Variants in GOLGA3 observed in about 807,000 individuals in gnomAD.
GOLGA3 encodes the protein golgin subfamily A member 3.
GOLGA3 carries 75 observed loss-of-function variants against 169.4 expected under a neutral mutation model. That is an observed-to-expected ratio of 0.44 (90% CI 0.37 to 0.54). GOLGA3 has a LOEUF of 0.54. GOLGA3 is among the 20% of genes least tolerant of loss of function. The pLI, the probability that GOLGA3 is intolerant of heterozygous loss-of-function variation, is 0.00. For missense variants in GOLGA3, 1,899 were observed against 1,930.0 expected (o/e 0.98, Z 0.30); for synonymous variants, 824 against 822.4 (o/e 1.00, Z -0.03).
At chr12:132,787,485 C>T (rs1446790437) in intron 13 of GOLGA3, among the ~76,000 whole-genome samples, 2 of 148,956 alleles carry the variant, frequency 1.3e-5, no homozygotes, top group East Asian at 4.1e-4. Context: ...CCCCAAGAGC[C>T]CCCGGGAACC....
intron 8 of GOLGA3, among the ~76,000 whole-genome samples, chr12:132,799,094 C>T (rs986910135): frequency 2.0e-5 from 3 of 152,212 alleles, no homozygotes; most frequent in Non-Finnish European, 4.4e-5. Flanking sequence ...CCCGCATCGC[C>T]TCTAGCTCCA....
In GOLGA3 at chr12:132,791,279, C is replaced by CT; in HGVS notation, c.2483dup (p.Gln829AlafsTer40). 6.2e-7 allele frequency: 1 copy of CT among 1,602,694 alleles called. No individual in the cohort carries two copies. Among genetic ancestry groups the CT allele is most frequent in the Non-Finnish European group, 8.5e-7 (1 of 1,171,428 alleles). Reference sequence around the variant, plus strand: ...GCTTTTTCAGAGCAGCAGTCTCCTGCTGCAGGTGTTCCACCTGTGGGAGAC... The same window carrying CT: ...GCTTTTTCAGAGCAGCAGTCTCCTGCTTGCAGGTGTTCCACCTGTGGGAGAC... On this transcript the variant is annotated frameshift_variant, in exon 12 of 24. Coordinates refer to ENST00000450791, the MANE Select transcript of GOLGA3 (RefSeq NM_001389683.1). LOFTEE classifies it high-confidence loss of function.
chr12:132,781,097 G>A (rs566190438), intron 17 of GOLGA3, among the ~76,000 whole-genome samples, 183 bp from the exon 18 acceptor site: 13 of 152,308 alleles, frequency 8.5e-5, no homozygotes, highest in African/African-American at 3.1e-4. Context: ...ATGATCACAG[G>A]GCCGCACTCA....
intron 2 of GOLGA3, among the ~76,000 whole-genome samples, chr12:132,819,591 G>A (rs1250599357): frequency 6.6e-6 from 1 of 152,220 alleles, no homozygotes; most frequent in Non-Finnish European, 1.5e-5. Context: ...GATACTTACT[G>A]TCATGCCTCC....
At chr12:132,789,758 G>A (rs527509230) in intron 12 of GOLGA3, among the ~76,000 whole-genome samples, 2 of 152,330 alleles carry the variant, frequency 1.3e-5, no homozygotes, top group African/African-American at 2.4e-5. Flanking sequence ...AGCAGGCCGG[G>A]CGCGGTGGCT....
rs1158708708 is a variant in GOLGA3 at position 132,786,778 on chromosome 12, A to T, written c.2821T>A (p.Phe941Ile). The change falls in exon 14 of 24, where the codon TTC (phenylalanine) becomes ATC (isoleucine). Residue 941 changes from phenylalanine (F) to isoleucine (I), a missense_variant. By Grantham distance (21) the Phe-to-Ile change is conservative. Transcript: ENST00000450791. The part of the protein sequence containing the change: ...EMETHLQSLQ[F>I]DKEQMVAVTE... ...ACCGCGACCATCTGCTCCTTATCGA[A>T]CTGCAACGACTGTGGAAGGGAAGGA... is the stretch of plus-strand genomic sequence containing the variant. 1 of 1,609,908 alleles carries T rather than the reference A, an allele frequency of 6.2e-7. No individual in the cohort carries two copies. Among genetic ancestry groups the T allele is most frequent in the East Asian group, 2.2e-5 (1 of 44,830 alleles).
At position 132,772,740 on chromosome 12, in the gene GOLGA3, G is replaced by A. The variant is rs965013423; in HGVS notation, c.*365C>T. On this transcript the variant is annotated 3_prime_UTR_variant, in exon 24 of 24. Coordinates refer to ENST00000450791, the MANE Select transcript of GOLGA3 (RefSeq NM_001389683.1). Reference sequence around the variant, plus strand: ...AACTGCAGCCGGCCTGGCCAGGCGCGGTGCCGCAGACCCTGTCACACAGCT... The same window carrying A: ...AACTGCAGCCGGCCTGGCCAGGCGCAGTGCCGCAGACCCTGTCACACAGCT... 4.9e-5 allele frequency: 9 copies of A among 184,868 alleles called. No individual in the cohort carries two copies. The highest frequency in any genetic ancestry group is 2.4e-4 in the Admixed American group (4 of 16,828). The allele number at this position is 184,868 out of a possible 1,614,324, so 11.5% of individuals were successfully genotyped here.
At chr12:132,798,607 T>G in intron 8 of GOLGA3, 130 bp from the exon 9 acceptor site, 2 of 456,376 alleles carry the variant, frequency 4.4e-6, no homozygotes, top group Non-Finnish European at 7.4e-6. Flanking sequence ...CAAGCCCCAC[T>G]ACCCACTACA....
chr12:132,826,066 C>G lies in GOLGA3; in HGVS notation c.-184+2737G>C. Reference sequence around the variant, plus strand: ...TCCCCTGCTTCAGGGACGTCCAGATCGGTGACATCGTCACAGTGGGCGAGT... The same window carrying G: ...TCCCCTGCTTCAGGGACGTCCAGATGGGTGACATCGTCACAGTGGGCGAGT... On this transcript the variant is annotated intron_variant, in intron 1 of 23. Coordinates refer to ENST00000450791, the MANE Select transcript of GOLGA3 (RefSeq NM_001389683.1). 5 of 1,396,274 alleles carry G rather than the reference C, an allele frequency of 3.6e-6. No homozygotes were observed. The South Asian group carries it at 4.6e-5, about 13-fold the overall frequency. 86.5% of individuals were successfully genotyped at this position (1,396,274 alleles called of 1,614,324 possible).
At chr12:132,808,678 G>A (rs1356938739) in intron 4 of GOLGA3, 129 bp from the exon 5 acceptor site, 2 of 756,498 alleles carry the variant, frequency 2.6e-6, no homozygotes, top group East Asian at 2.5e-5. Context: ...CACCTCCCCA[G>A]CCCCTCACCA....
At chr12:132,785,179 G>A (rs1033397382) in intron 15 of GOLGA3, among the ~76,000 whole-genome samples, 3 of 152,186 alleles carry the variant, frequency 2.0e-5, no homozygotes, top group African/African-American at 7.2e-5. Context: ...CTGCAACAGC[G>A]TGGCGAGGGG....
At chr12:132,821,721 G>A (rs1038263998) in intron 2 of GOLGA3, among the ~76,000 whole-genome samples, 2 of 150,766 alleles carry the variant, frequency 1.3e-5, no homozygotes, top group Admixed American at 6.6e-5. Flanking sequence ...GGGCGCGGTG[G>A]CGGGCGCCTG....
At chr12:132,780,041 A>ACC (rs574806334) in intron 18 of GOLGA3, among the ~76,000 whole-genome samples, 1 of 109,850 alleles carries the variant, frequency 9.1e-6, no homozygotes, top group Non-Finnish European at 1.8e-5. Flanking sequence ...TTGCACGGAC[A>ACC]CCCCCCCGCG....
In GOLGA3 at chr12:132,822,210, G is replaced by A. The variant is rs969895262; in HGVS notation, c.-82C>T. 2.1e-5 allele frequency: 31 copies of A among 1,510,194 alleles called. No individual in the cohort carries two copies. In the African/African-American group the frequency reaches 3.2e-4, roughly 15 times the overall value. 93.5% of individuals were successfully genotyped at this position (1,510,194 alleles called of 1,614,324 possible). ...AGCTTGGCTTCTGCCATCAGCAACA[G>A]CCAAGAGCTCCTGGGAGGGGCCCTA... On this transcript the variant is annotated 5_prime_UTR_variant, in exon 2 of 24. Coordinates refer to ENST00000450791, the MANE Select transcript of GOLGA3 (RefSeq NM_001389683.1).
intron 1 of GOLGA3, chr12:132,825,926 G>A (rs1464462118): frequency 1.0e-5 from 10 of 958,766 alleles, no homozygotes; most frequent in South Asian, 6.4e-5. Flanking sequence ...CCTCTCTGGC[G>A]TGGTGACCAA....
rs1425161411 is a variant in GOLGA3, at chr12:132,772,029, A to G, written c.*1076T>C. Reference sequence around the variant, plus strand: ...GCCAGTGGCCTGAGAGGAAGAGACCAGCAGGAAGGAAAGATCCTCAGCAAC... The same window carrying G: ...GCCAGTGGCCTGAGAGGAAGAGACCGGCAGGAAGGAAAGATCCTCAGCAAC... On this transcript the variant is annotated 3_prime_UTR_variant, in exon 24 of 24. Coordinates refer to ENST00000450791, the MANE Select transcript of GOLGA3 (RefSeq NM_001389683.1). The G allele has an allele frequency of 1.3e-5, 2 of 152,292 alleles. No individual in the cohort carries two copies. The highest frequency in any genetic ancestry group is 4.8e-5 in the African/African-American group (2 of 41,476). The allele number at this position is 152,292 out of a possible 1,614,324, so 9.4% of individuals were successfully genotyped here.
chr12:132,821,001 G>C (rs1426737570), intron 2 of GOLGA3, among the ~76,000 whole-genome samples: 1 of 148,114 alleles, frequency 6.8e-6, no homozygotes, highest in Non-Finnish European at 1.5e-5. Context: ...TCGGGAGGCT[G>C]AAGCAGGAGA....
chr12:132,819,680 C>A (rs750594060), intron 2 of GOLGA3, among the ~76,000 whole-genome samples: 1 of 152,224 alleles, frequency 6.6e-6, no homozygotes, highest in Non-Finnish European at 1.5e-5. Flanking sequence ...CACTGAGACG[C>A]CTTTCATGCA....
intron 17 of GOLGA3, 21 bp from the exon 18 acceptor site, chr12:132,780,935 A>C: frequency 6.4e-7 from 1 of 1,563,492 alleles, no homozygotes; most frequent in Non-Finnish European, 8.8e-7. Flanking sequence ...TTGCAGGAGG[A>C]CAGATAAGGA....
Sources: allele counts gnomAD v4.1 joint callset (sites outside exome capture counted in the v4.1 genomes callset), GRCh38; gene constraint gnomAD v4.1.1; transcripts MANE v1.5; gene names NCBI Gene and HGNC (gene_info 2026-07-23, HGNC 2026-07-21).